KIAA1217: variants seen among roughly 807,000 people sequenced by gnomAD.
KIAA1217 encodes sickle tail protein homolog.
In KIAA1217, 88 loss-of-function variants were observed where a neutral mutation model predicts 163.9. That is an observed-to-expected ratio of 0.54 (90% confidence interval 0.45 to 0.64). KIAA1217 has a LOEUF of 0.64. KIAA1217 is among the 30% of genes least tolerant of loss of function. The pLI, the probability that KIAA1217 is intolerant of heterozygous loss-of-function variation, is 0.00. For synonymous variants in KIAA1217, 903 were observed against 923.1 expected (o/e 0.98, Z 0.39); for missense variants, 2,372 against 2,475.0 (o/e 0.96, Z 0.88).
rs925948769 is a variant in KIAA1217, at chr10:23,953,468, T to C, written c.-320-53757T>C. Among the ~76,000 whole-genome samples the C allele has an allele frequency of 7.2e-5, 11 of 152,230 alleles. No individual in the cohort carries two copies. In the South Asian group the frequency reaches 8.3e-4, roughly 11 times the overall value. On this transcript the variant is annotated intron_variant, in intron 1 of 18. Transcript: ENST00000376462. ...GAATGGCTAGAGGTATCAGCTATGA[T>C]TGCCATCTATGTTTCATTGTCTAGA...
chr10:24,368,077 T>G (rs2051036435), intron 2 of KIAA1217, among the ~76,000 whole-genome samples: 1 of 152,200 alleles, frequency 6.6e-6, no homozygotes, highest in African/African-American at 2.4e-5. Context: ...AAATAAACAT[T>G]AAAGTTCAAG....
At chr10:23,921,215 G>A (rs1842837550) in intron 1 of KIAA1217, among the ~76,000 whole-genome samples, 1 of 152,132 alleles carries the variant, frequency 6.6e-6, no homozygotes, top group Non-Finnish European at 1.5e-5. Context: ...CTGGTGAAGT[G>A]CATATGTTGG....
intron 2 of KIAA1217, among the ~76,000 whole-genome samples, chr10:24,264,700 G>C (rs1286466543): frequency 1.3e-5 from 2 of 151,720 alleles, no homozygotes; most frequent in East Asian, 3.9e-4. Flanking sequence ...CAGGCCGTTT[G>C]TTACCACCAA....
chr10:24,200,267 G>A (rs1037838521), intron 2 of KIAA1217, among the ~76,000 whole-genome samples: 2 of 150,404 alleles, frequency 1.3e-5, no homozygotes, highest in Non-Finnish European at 3.0e-5. Context: ...CTAGAGTGCA[G>A]TGGAGCTATC....
chr10:24,225,072 G>A (rs945927875), intron 2 of KIAA1217, among the ~76,000 whole-genome samples: 24 of 152,098 alleles, frequency 1.6e-4, no homozygotes, highest in Non-Finnish European at 2.4e-4. Context: ...TGATCTGCCC[G>A]CCTTGGCCTC....
intron 1 of KIAA1217, among the ~76,000 whole-genome samples, chr10:23,850,355 A>G (rs1446575674): frequency 6.6e-6 from 1 of 152,170 alleles, no homozygotes; most frequent in Non-Finnish European, 1.5e-5. Flanking sequence ...AGAGAAGAGT[A>G]ATCATGGCCT....
chr10:24,038,615 C>A (rs1448796701), intron 2 of KIAA1217, among the ~76,000 whole-genome samples: 1 of 152,158 alleles, frequency 6.6e-6, no homozygotes, highest in African/African-American at 2.4e-5. Context: ...GCAGTAGCAC[C>A]TGGGAGGGCA....
At position 24,423,509 on chromosome 10, in the gene KIAA1217, A is replaced by G. The variant is rs148567436; in HGVS notation, c.554-9486A>G. On this transcript the variant is annotated intron_variant, in intron 3 of 20. Transcript: ENST00000376454. The stretch of plus-strand genomic sequence containing the variant: ...GAGTCTTGCTCTGTCGCCCAGGCTG[A>G]AGTGCAGTGGCACCATCTCGGCTCA... Among the ~76,000 whole-genome samples the G allele has an allele frequency of 7.4e-3, 1,092 of 147,330 alleles. 12 individuals carry two copies. Among genetic ancestry groups the G allele is most frequent in the African/African-American group, 0.026 (1,023 of 39,940 alleles).
chr10:24,235,772 C>CCGTCTGTTAACTCCGTATCT (rs2072154137), intron 2 of KIAA1217, among the ~76,000 whole-genome samples: 1 of 152,140 alleles, frequency 6.6e-6, no homozygotes, highest in Non-Finnish European at 1.5e-5. Context: ...GACTCCAGTA[C>CCGTCTGTTAACTCCGTATCT]CGTCTGTTAA....
chr10:24,179,065 G>C (rs1002558913), intron 2 of KIAA1217, among the ~76,000 whole-genome samples: 3 of 152,202 alleles, frequency 2.0e-5, no homozygotes, highest in Non-Finnish European at 2.9e-5. Flanking sequence ...TAATTAACAG[G>C]AGAAAGTGTT....
chr10:23,704,987 A>G (rs1373246940), intron 1 of KIAA1217, among the ~76,000 whole-genome samples: 2 of 152,112 alleles, frequency 1.3e-5, no homozygotes, highest in African/African-American at 2.4e-5. Flanking sequence ...GAGGATAGTC[A>G]TCTTTCTGGA....
At chr10:24,035,584 T>A (rs1201002304) in intron 2 of KIAA1217, among the ~76,000 whole-genome samples, 1 of 152,164 alleles carries the variant, frequency 6.6e-6, no homozygotes, top group African/African-American at 2.4e-5. Flanking sequence ...CCGATTAGTA[T>A]CACCAGCTCA....
intron 2 of KIAA1217, among the ~76,000 whole-genome samples, chr10:24,171,661 G>A (rs1376706384): frequency 6.6e-6 from 1 of 152,112 alleles, no homozygotes; most frequent in South Asian, 2.1e-4. Context: ...AAAATTAGCC[G>A]GGTGTGGTGG....
At chr10:24,216,679 T>G (rs1046203221) in intron 1 of KIAA1217, among the ~76,000 whole-genome samples, 1 of 151,344 alleles carries the variant, frequency 6.6e-6, no homozygotes, top group African/African-American at 2.4e-5. Context: ...ATACAAAAAT[T>G]AGCCGGGCAT....
At chr10:24,476,071 C>G (rs2063999878) in intron 6 of KIAA1217, among the ~76,000 whole-genome samples, 1 of 152,154 alleles carries the variant, frequency 6.6e-6, no homozygotes, top group Non-Finnish European at 1.5e-5. Flanking sequence ...TGTTTCCACC[C>G]CGGTTCTTGG....
At chr10:24,112,616 G>A (rs55887822) in intron 2 of KIAA1217, among the ~76,000 whole-genome samples, 4,709 of 151,590 alleles carry the variant, frequency 0.031, 93 homozygotes, top group South Asian at 0.046. Context: ...ACAGAGTCTC[G>A]CTCTGTCGCC....
intron 2 of KIAA1217, among the ~76,000 whole-genome samples, chr10:24,097,275 G>A (rs1052772696): frequency 1.3e-5 from 2 of 152,196 alleles, no homozygotes; most frequent in Admixed American, 1.3e-4. Context: ...CATCTGGCTG[G>A]ACTCAGTGGT....
At chr10:23,778,091 A>AG (rs1835086463) in intron 1 of KIAA1217, among the ~76,000 whole-genome samples, 1 of 151,990 alleles carries the variant, frequency 6.6e-6, no homozygotes, top group African/African-American at 2.4e-5. Flanking sequence ...ATGGGTGTGC[A>AG]CCACCATGTT....
chr10:24,413,882 G>A (rs890752711), intron 3 of KIAA1217, among the ~76,000 whole-genome samples: 9 of 151,888 alleles, frequency 5.9e-5, no homozygotes, highest in Non-Finnish European at 2.9e-5. Context: ...TTTTCCCTGT[G>A]TCTTGGCACA....
Sources: allele counts gnomAD v4.1 joint callset (sites outside exome capture counted in the v4.1 genomes callset), GRCh38; gene constraint gnomAD v4.1.1; transcripts MANE v1.5; gene names NCBI Gene and HGNC (gene_info 2026-07-23, HGNC 2026-07-21).